Variants in FLT3 observed in about 807,000 individuals in gnomAD.
The protein encoded by FLT3 is receptor-type tyrosine-protein kinase FLT3.
A neutral mutation model predicts 126.6 loss-of-function variants in FLT3; 46 were observed. The observed-to-expected ratio is 0.36, with a 90% CI of 0.29 to 0.46. The LOEUF is 0.46. Among genes scored for constraint, FLT3 ranks in the 20% least tolerant of loss-of-function variants. The pLI, the probability that FLT3 is intolerant of heterozygous loss-of-function variation, is 1.00. For synonymous variants in FLT3, 404 were observed against 434.4 expected (o/e 0.93, Z 0.87); for missense variants, 1,069 against 1,190.3 (o/e 0.90, Z 1.50).
rs1040194544 is a variant in FLT3, at chr13:28,093,883, G to A, written c.43+6585C>T. ...TTTAACACAGGTCCTAGACATAGACGGCGCTCAAAAACATCTGTGGAAGGA... is the reference window on the plus strand; with the variant it reads ...TTTAACACAGGTCCTAGACATAGACAGCGCTCAAAAACATCTGTGGAAGGA... On this transcript the variant is annotated intron_variant, in intron 1 of 23. Coordinates refer to ENST00000241453, the MANE Select transcript of FLT3 (RefSeq NM_004119.3). 5.3e-5 allele frequency among the ~76,000 whole-genome samples: 8 copies of A among 152,032 alleles called. No homozygotes were observed. In the East Asian group the frequency reaches 1.4e-3, roughly 26 times the overall value.
Position 28,070,557 on chromosome 13 carries a change from G to T in FLT3, c.99C>A (p.Ile33=). The T allele has an allele frequency of 6.2e-7, 1 of 1,601,362 alleles. No homozygotes were observed. ...GTITNQDLPV[I]KCVLINHKNN... ...TCTTATGATTGATTAAAACACACTT[G>T]ATCACAGGCAGATCTTGATTTGTAA... Residue 33 remains isoleucine (I), a synonymous_variant, in exon 2 of 24, where the codon ATC becomes ATA. Transcript: ENST00000241453.
intron 1 of FLT3, among the ~76,000 whole-genome samples, chr13:28,078,269 G>A (rs1878096527): frequency 1.3e-5 from 2 of 152,184 alleles, no homozygotes; most frequent in South Asian, 2.1e-4. Context: ...TGAGGACCCT[G>A]CCCCTGCAGC....
At chr13:28,073,952 A>AAG (rs1566099254) in intron 1 of FLT3, among the ~76,000 whole-genome samples, 2 of 111,128 alleles carry the variant, frequency 1.8e-5, no homozygotes, top group Admixed American at 9.2e-5. Context: ...AAAAAAAAAA[A>AAG]AAAAGAAAAG....
Position 28,052,657 on chromosome 13 carries a change from A to C in FLT3, c.502T>G (p.Leu168Val). ...ATTTTTCTAAAGTAAGGTCTTCTTA[A>C]TGTGTAAAGCAGGGTATCTAAAGCA... ...VSIRNTLLYT[L>V]RRPYFRKMEN... is the part of the protein sequence containing the mutation. The change falls in exon 5 of 24, where the codon TTA (leucine) becomes GTA (valine). Residue 168 changes from leucine to valine, a missense_variant. Physicochemically the swap from Leu to Val is conservative, Grantham distance 32 (BLOSUM62 1). Coordinates refer to ENST00000241453, the MANE Select transcript of FLT3 (RefSeq NM_004119.3). The C allele has an allele frequency of 6.2e-6, 10 of 1,607,814 alleles. No individual in the cohort carries two copies. The highest frequency in any genetic ancestry group is 8.5e-6 in the Non-Finnish European group (10 of 1,174,328).
At chr13:28,078,662 T>C (rs890472042) in intron 1 of FLT3, among the ~76,000 whole-genome samples, 7 of 152,220 alleles carry the variant, frequency 4.6e-5, no homozygotes, top group Middle Eastern at 3.4e-3. Context: ...TTGCAACTTA[T>C]GCAAATTTCT....
At chr13:28,080,235 G>T (rs1297180636) in intron 1 of FLT3, among the ~76,000 whole-genome samples, 1 of 152,190 alleles carries the variant, frequency 6.6e-6, no homozygotes, top group Non-Finnish European at 1.5e-5. Context: ...AATTAGCTGG[G>T]CGCCATGGCG....
intron 1 of FLT3, among the ~76,000 whole-genome samples, chr13:28,085,754 T>C (rs1308175141): frequency 1.3e-5 from 2 of 150,672 alleles, no homozygotes; most frequent in Non-Finnish European, 2.9e-5. Flanking sequence ...TGGCTCTCTT[T>C]TGATTAGTGT....
chr13:28,082,990 G>A (rs562792182), intron 1 of FLT3, among the ~76,000 whole-genome samples: 5 of 150,840 alleles, frequency 3.3e-5, no homozygotes, highest in Non-Finnish European at 5.9e-5. Flanking sequence ...ACAGGCATGA[G>A]CCACCGCGCC....
At chr13:28,085,309 A>G (rs562651886) in intron 1 of FLT3, among the ~76,000 whole-genome samples, 2 of 145,448 alleles carry the variant, frequency 1.4e-5, no homozygotes, top group Non-Finnish European at 3.0e-5. Flanking sequence ...GTGCCACTGC[A>G]CTCCAGCCTG....
chr13:28,058,234 G>T (rs1025967832), intron 3 of FLT3, among the ~76,000 whole-genome samples: 3 of 110,858 alleles, frequency 2.7e-5, no homozygotes, highest in African/African-American at 8.8e-5. Context: ...AAAAAAAACG[G>T]CCAGGTACAG....
intron 1 of FLT3, among the ~76,000 whole-genome samples, chr13:28,092,636 G>T (rs1879186943): frequency 6.6e-6 from 1 of 151,986 alleles, no homozygotes; most frequent in African/African-American, 2.4e-5. Flanking sequence ...CTGGACTACT[G>T]CCAACAACTT....
intron 19 of FLT3, among the ~76,000 whole-genome samples, chr13:28,019,728 G>A (rs541937212): frequency 1.5e-4 from 23 of 152,212 alleles, no homozygotes; most frequent in Admixed American, 8.5e-4. Context: ...ACACAGTCTC[G>A]ATCTGACGGG....
chr13:28,047,414 C>T (rs73439124), intron 9 of FLT3, among the ~76,000 whole-genome samples: 1 of 152,038 alleles, frequency 6.6e-6, no homozygotes, highest in Admixed American at 6.6e-5. Flanking sequence ...ATTCCTCCCA[C>T]AAGAGAATCT....
rs758906408 is a variant in FLT3, at chr13:28,028,239, C to A, written c.1992G>T (p.Met664Ile). The change falls in exon 16 of 24, where the codon ATG (methionine) becomes ATT (isoleucine). Residue 664 changes from methionine (M) to isoleucine (I), a missense_variant. By Grantham distance (10) the Met-to-Ile change is conservative. Transcript: ENST00000241453. ...TCTCGTGGCTTCCCAGCTGGGTCAT[C>A]ATCTTGAGTTCTGACATGAGTGCCT... ...EREALMSELKMMTQLGSHENI... is the reference protein window; with the variant it reads ...EREALMSELKIMTQLGSHENI... 7 of 1,612,252 alleles carry A rather than the reference C, an allele frequency of 4.3e-6. No homozygotes were observed. The South Asian group carries it at 7.7e-5, about 18-fold the overall frequency.
At position 28,075,350 on chromosome 13, in the gene FLT3, G is replaced by T. The variant is rs892907389; in HGVS notation, c.44-4738C>A. 2.6e-5 allele frequency among the ~76,000 whole-genome samples: 4 copies of T among 152,146 alleles called. No homozygotes were observed. The South Asian group carries it at 8.3e-4, about 32-fold the overall frequency. The stretch of plus-strand genomic sequence containing the variant: ...TGATTACCTCAAATACTCTGAGTTG[G>T]TCATTACACATTCTATGGAGGTCAC... On this transcript the variant is annotated intron_variant, in intron 1 of 23. Coordinates refer to ENST00000241453, the MANE Select transcript of FLT3 (RefSeq NM_004119.3).
chr13:28,005,988 C>T (rs1013140840), intron 23 of FLT3, among the ~76,000 whole-genome samples: 2 of 152,010 alleles, frequency 1.3e-5, no homozygotes, highest in Non-Finnish European at 2.9e-5. Context: ...GCTGGGTGTA[C>T]TGGCTCAACT....
intron 1 of FLT3, among the ~76,000 whole-genome samples, chr13:28,091,653 G>A (rs1365090490): frequency 6.6e-6 from 1 of 152,110 alleles, no homozygotes; most frequent in Non-Finnish European, 1.5e-5. Flanking sequence ...CTGCTGGTGA[G>A]GCTGGGTGCA....
intron 9 of FLT3, among the ~76,000 whole-genome samples, chr13:28,040,963 C>CAAAA (rs58959298): frequency 2.8e-5 from 3 of 108,742 alleles, no homozygotes; most frequent in African/African-American, 6.3e-5. Context: ...GACCCGGACT[C>CAAAA]AAAAAAAAAA....
intron 2 of FLT3, among the ~76,000 whole-genome samples, chr13:28,064,018 T>C (rs918908284): frequency 5.3e-5 from 8 of 152,108 alleles, no homozygotes; most frequent in African/African-American, 1.9e-4. Flanking sequence ...ATGCCTGTAG[T>C]TCCAGCTACT....
Sources: allele counts gnomAD v4.1 joint callset (sites outside exome capture counted in the v4.1 genomes callset), GRCh38; gene constraint gnomAD v4.1.1; transcripts MANE v1.5; gene names NCBI Gene and HGNC (gene_info 2026-07-23, HGNC 2026-07-21).